The following MAPKAP1 variants were observed in gnomAD, a reference collection of about 807,000 sequenced individuals.
MAPKAP1 encodes the protein MAPK associated protein 1.
A neutral mutation model predicts 65.7 loss-of-function variants in MAPKAP1; 20 were observed. The observed-to-expected ratio is 0.30, with a 90% CI of 0.21 to 0.44. MAPKAP1 has a LOEUF of 0.44. MAPKAP1 is among the 20% of genes least tolerant of loss of function. MAPKAP1 has a pLI of 1.00. For missense variants in MAPKAP1, 423 were observed against 648.0 expected, an observed-to-expected ratio of 0.65 and a Z score of 3.77; for synonymous variants, 222 against 244.3, an observed-to-expected ratio of 0.91 and a Z score of 0.85.
chr9:125,629,340 G>A (rs907588510), intron 4 of MAPKAP1, among the ~76,000 whole-genome samples: 2 of 152,170 alleles, frequency 1.3e-5, no homozygotes, highest in African/African-American at 2.4e-5. Flanking sequence ...TAGCCAAGAA[G>A]TGAAAACCTA....
At chr9:125,540,351 T>C in intron 7 of MAPKAP1, among the ~76,000 whole-genome samples, 1 of 152,218 alleles carries the variant, frequency 6.6e-6, no homozygotes, top group Non-Finnish European at 1.5e-5. Flanking sequence ...CAAACAGTTG[T>C]GTAGTCAGTC....
At chr9:125,619,533 A>G (rs189280703) in intron 4 of MAPKAP1, among the ~76,000 whole-genome samples, 46 of 152,208 alleles carry the variant, frequency 3.0e-4, no homozygotes, top group Non-Finnish European at 5.0e-4. Context: ...CAATATTCTT[A>G]TATGTGTGAA....
intron 7 of MAPKAP1, among the ~76,000 whole-genome samples, chr9:125,535,025 A>G (rs1397665605): frequency 6.6e-6 from 1 of 152,228 alleles, no homozygotes; most frequent in Non-Finnish European, 1.5e-5. Flanking sequence ...GTGCCTACAC[A>G]GTGCCTGTTA....
At chr9:125,601,901 T>C (rs967492427) in intron 4 of MAPKAP1, among the ~76,000 whole-genome samples, 1 of 152,348 alleles carries the variant, frequency 6.6e-6, no homozygotes, top group East Asian at 1.9e-4. Context: ...TATGGTTGTT[T>C]ACATTGTGAT....
At chr9:125,589,416 G>C (rs935342326) in intron 4 of MAPKAP1, among the ~76,000 whole-genome samples, 3 of 152,180 alleles carry the variant, frequency 2.0e-5, no homozygotes, top group African/African-American at 7.2e-5. Context: ...CTGGCACACA[G>C]AAGACCCTGA....
intron 3 of MAPKAP1, among the ~76,000 whole-genome samples, chr9:125,665,384 A>C (rs1834311086): frequency 6.6e-6 from 1 of 152,210 alleles, no homozygotes; most frequent in Admixed American, 6.5e-5. Context: ...CTGATTACTC[A>C]TCAGAATCAC....
chr9:125,622,538 C>T (rs1362166278), intron 4 of MAPKAP1, among the ~76,000 whole-genome samples: 2 of 151,620 alleles, frequency 1.3e-5, no homozygotes, highest in African/African-American at 2.4e-5. Context: ...CTCTGCCCCC[C>T]GGATTCAAGC....
At chr9:125,527,784 G>C (rs1456904750) in intron 7 of MAPKAP1, among the ~76,000 whole-genome samples, 1 of 152,174 alleles carries the variant, frequency 6.6e-6, no homozygotes, top group African/African-American at 2.4e-5. Flanking sequence ...GGCTCCCCAA[G>C]GACTCAGAAG....
chr9:125,687,996 G>T (rs1157262134), intron 1 of MAPKAP1, among the ~76,000 whole-genome samples: 2 of 152,142 alleles, frequency 1.3e-5, no homozygotes, highest in Admixed American at 1.3e-4. Context: ...CTACTTTTAT[G>T]TGACTTTGAA....
rs146139155 is a variant in MAPKAP1, at chr9:125,575,281, G to A, written c.671+10274C>T. Among the ~76,000 whole-genome samples, 1,130 of 152,298 alleles carry A rather than the reference G, an allele frequency of 7.4e-3. 19 individuals carry two copies. The highest frequency in any genetic ancestry group is 0.025 in the African/African-American group (1,054 of 41,554). ...GGAGGCAAAGGTGGGAGGATTACTT[G>A]AGCCCAGGAGTTCAAGGCTGCAGTG... is the stretch of plus-strand genomic sequence containing the variant. On this transcript the variant is annotated intron_variant, in intron 5 of 11. Coordinates refer to ENST00000265960, the MANE Select transcript of MAPKAP1 (RefSeq NM_001006617.3).
At chr9:125,655,799 G>A (rs928191233) in intron 4 of MAPKAP1, among the ~76,000 whole-genome samples, 4 of 152,092 alleles carry the variant, frequency 2.6e-5, no homozygotes, top group Admixed American at 2.6e-4. Flanking sequence ...ATGCATAATG[G>A]TGACTGCTCT....
rs1447595799 is a variant in MAPKAP1, at chr9:125,439,097, C to T, written c.1444-85G>A. 49 of 1,534,394 alleles carry T rather than the reference C, an allele frequency of 3.2e-5. No individual in the cohort carries two copies. The highest frequency in any genetic ancestry group is 4.2e-5 in the Non-Finnish European group (48 of 1,132,302). ...ATCGGAGGGGGTGGCAGGGAAGGCC[C>T]TGACCTGGGCCGGGTGCCTCAGGGC... On this transcript the variant is annotated intron_variant, in intron 11 of 11. Transcript: ENST00000265960. The surrounding 1 kb of genome is among the most constrained non-coding windows in gnomAD (Gnocchi z 4.0).
intron 8 of MAPKAP1, among the ~76,000 whole-genome samples, chr9:125,487,579 A>G (rs1025561563): frequency 6.6e-6 from 1 of 151,520 alleles, no homozygotes; most frequent in African/African-American, 2.4e-5. Flanking sequence ...TGATTTGGAA[A>G]GAGGTAACAG....
At chr9:125,689,814 C>T (rs1045962771) in intron 1 of MAPKAP1, among the ~76,000 whole-genome samples, 5 of 151,234 alleles carry the variant, frequency 3.3e-5, no homozygotes, top group Middle Eastern at 3.5e-3. Flanking sequence ...GGGCCAGGCG[C>T]GGTGGCTCAC....
chr9:125,669,486 A>T (rs952027805), intron 3 of MAPKAP1, among the ~76,000 whole-genome samples: 19 of 152,334 alleles, frequency 1.2e-4, no homozygotes, highest in Middle Eastern at 3.4e-3. Context: ...ATCTCAAAAA[A>T]AATAATAATA....
At chr9:125,596,668 A>G in intron 4 of MAPKAP1, 2 of 591,850 alleles carry the variant, frequency 3.4e-6, no homozygotes, top group Non-Finnish European at 6.4e-6. Flanking sequence ...GAGGAGAGCC[A>G]GAGAAGTGAC....
intron 6 of MAPKAP1, among the ~76,000 whole-genome samples, chr9:125,547,327 T>C (rs1251334427): frequency 1.3e-5 from 2 of 152,146 alleles, no homozygotes; most frequent in Non-Finnish European, 2.9e-5. Flanking sequence ...GAACTCAAGT[T>C]GGAAGGCAGC....
At chr9:125,604,138 C>T (rs1407377418) in intron 4 of MAPKAP1, among the ~76,000 whole-genome samples, 1 of 152,214 alleles carries the variant, frequency 6.6e-6, no homozygotes, top group Non-Finnish European at 1.5e-5. Context: ...ATTCCATTAA[C>T]ATTTTCACTT....
intron 1 of MAPKAP1, among the ~76,000 whole-genome samples, chr9:125,698,304 T>TATAAA (rs1835477606): frequency 3.4e-5 from 1 of 29,684 alleles, no homozygotes; most frequent in African/African-American, 1.2e-4. Context: ...TATATATATA[T>TATAAA]ATATATATAT....
Sources: allele counts gnomAD v4.1 joint callset (sites outside exome capture counted in the v4.1 genomes callset), GRCh38; gene constraint gnomAD v4.1.1; non-coding constraint Gnocchi (gnomAD v3.1); transcripts MANE v1.5; gene names NCBI Gene and HGNC (gene_info 2026-07-23, HGNC 2026-07-21).